Variants in STAU2 observed in about 807,000 individuals in gnomAD.
The protein encoded by STAU2 is double-stranded RNA-binding protein Staufen homolog 2.
Under a neutral mutation model 65.9 loss-of-function variants are expected in STAU2, and 20 were observed. The ratio of observed to expected loss-of-function variants is 0.30; its 90% CI spans 0.21 to 0.44. The LOEUF (loss-of-function observed/expected upper bound fraction) is 0.44, where lower values mean the gene tolerates loss of function less well. Ranked by LOEUF, STAU2 falls within the 20% of genes least tolerant of loss-of-function variation. The probability of loss-of-function intolerance (pLI) is 1.00; values close to 1 mark genes in which losing one functional copy is unlikely to be tolerated. For missense variants in STAU2, 558 were observed against 683.9 expected, an observed-to-expected ratio of 0.82 and a Z score of 2.05; for synonymous variants, 232 against 233.9, an observed-to-expected ratio of 0.99 and a Z score of 0.07.
intron 13 of STAU2, among the ~76,000 whole-genome samples, chr8:73,427,772 G>A (rs767506554): frequency 6.6e-6 from 1 of 152,204 alleles, no homozygotes; most frequent in African/African-American, 2.4e-5. Context: ...CCATTTTCAC[G>A]GAGTGGGCTC....
chr8:73,475,773 T>C (rs1204521600), intron 13 of STAU2, among the ~76,000 whole-genome samples: 2 of 152,202 alleles, frequency 1.3e-5, no homozygotes, highest in African/African-American at 2.4e-5. Context: ...GGTTAAATGA[T>C]ATGCGTATGG....
chr8:73,493,755 A>T (rs1408738041), intron 13 of STAU2, among the ~76,000 whole-genome samples: 1 of 151,752 alleles, frequency 6.6e-6, no homozygotes, highest in Non-Finnish European at 1.5e-5. Context: ...TTGATGCAAG[A>T]GAAAAAAACA....
At chr8:73,581,622 G>A (rs1374147783) in intron 12 of STAU2, among the ~76,000 whole-genome samples, 1 of 152,046 alleles carries the variant, frequency 6.6e-6, no homozygotes, top group Non-Finnish European at 1.5e-5. Context: ...ACAAACTCTA[G>A]GAATCCTGAA....
intron 13 of STAU2, among the ~76,000 whole-genome samples, chr8:73,429,622 G>GTCCT (rs1225956861): frequency 6.6e-6 from 1 of 150,568 alleles, no homozygotes; most frequent in African/African-American, 2.4e-5. Flanking sequence ...ATTTCTAGTA[G>GTCCT]GGACAAAGTC....
intron 12 of STAU2, among the ~76,000 whole-genome samples, chr8:73,562,348 T>C (rs2128949962): frequency 6.6e-6 from 1 of 152,300 alleles, no homozygotes; most frequent in African/African-American, 2.4e-5. Context: ...TAGCTGGGCA[T>C]GGTGGCATGC....
intron 10 of STAU2, among the ~76,000 whole-genome samples, chr8:73,599,173 G>A (rs2129663598): frequency 6.6e-6 from 1 of 152,268 alleles, no homozygotes; most frequent in South Asian, 2.1e-4. Flanking sequence ...GAAGTGCTAA[G>A]AACAGCCAAA....
intron 13 of STAU2, among the ~76,000 whole-genome samples, chr8:73,491,313 T>C (rs1821142989): frequency 6.6e-6 from 1 of 151,998 alleles, no homozygotes; most frequent in Non-Finnish European, 1.5e-5. Context: ...AAACAGACCT[T>C]GTTTAGCAGG....
intron 4 of STAU2, among the ~76,000 whole-genome samples, chr8:73,699,957 A>G (rs7812308): frequency 6.6e-6 from 1 of 151,896 alleles, no homozygotes; most frequent in Non-Finnish European, 1.5e-5. Flanking sequence ...CCAACAATAC[A>G]TTTAAAAGAT....
chr8:73,423,534 T>G (rs763088104), intron 13 of STAU2, among the ~76,000 whole-genome samples: 3 of 152,164 alleles, frequency 2.0e-5, no homozygotes, highest in Non-Finnish European at 2.9e-5. Context: ...GAGATGGGCA[T>G]GAGCAGGCAG....
At chr8:73,439,634 C>T (rs1169407478) in intron 13 of STAU2, among the ~76,000 whole-genome samples, 2 of 152,168 alleles carry the variant, frequency 1.3e-5, no homozygotes, top group Non-Finnish European at 1.5e-5. Flanking sequence ...CAACTCTTAC[C>T]GGTCATATGA....
chr8:73,713,433 C>G (rs1487789276), intron 3 of STAU2, among the ~76,000 whole-genome samples: 1 of 152,000 alleles, frequency 6.6e-6, no homozygotes, highest in African/African-American at 2.4e-5. Flanking sequence ...GAAACAGACA[C>G]AGACAATAGA....
rs145254973 is a variant in STAU2 at position 73,431,439 on chromosome 8, G to A, written c.1531-8737C>T. Among the ~76,000 whole-genome samples, 165 of 152,342 alleles carry A rather than the reference G, an allele frequency of 1.1e-3. 1 individual carries two copies. Among genetic ancestry groups the A allele is most frequent in the African/African-American group, 3.7e-3 (153 of 41,576 alleles). ...GGAGAAAAATTAAAGAAGCATTTTAGAGAAGTGGATGACATTTCCTTTCCT... is the reference window on the plus strand; with the variant it reads ...GGAGAAAAATTAAAGAAGCATTTTAAAGAAGTGGATGACATTTCCTTTCCT... On this transcript the variant is annotated intron_variant, in intron 13 of 14. Transcript: ENST00000524300.
At chr8:73,582,915 CA>C (rs1810098673) in intron 11 of STAU2, 85 bp from the exon 12 acceptor site, 1 of 1,245,246 alleles carries the variant, frequency 8.0e-7, no homozygotes, top group Non-Finnish European at 1.2e-6. Context: ...TAAGCAAAGG[CA>C]AAGTCCTCTC....
chr8:73,458,389 C>G (rs1819179722), intron 13 of STAU2, among the ~76,000 whole-genome samples: 1 of 152,174 alleles, frequency 6.6e-6, no homozygotes, highest in Admixed American at 6.5e-5. Flanking sequence ...CACCTTTTTA[C>G]TTTATCAGTT....
At chr8:73,744,234 A>C (rs1475230840) in intron 1 of STAU2, among the ~76,000 whole-genome samples, 1 of 152,174 alleles carries the variant, frequency 6.6e-6, no homozygotes, top group Non-Finnish European at 1.5e-5. Context: ...ATGCACACAT[A>C]AATAAAAATG....
chr8:73,539,267 A>C (rs1806369080), intron 13 of STAU2, among the ~76,000 whole-genome samples: 4 of 152,222 alleles, frequency 2.6e-5, no homozygotes, highest in Admixed American at 2.6e-4. Flanking sequence ...ATTTATACTC[A>C]AAAGAAAAGG....
rs535919850 is a variant in STAU2, at chr8:73,741,724, G to A, written c.-196-1856C>T. 2.0e-5 allele frequency among the ~76,000 whole-genome samples: 3 copies of A among 152,234 alleles called. No homozygotes were observed. In the East Asian group the frequency reaches 5.8e-4, roughly 29 times the overall value. Reference sequence around the variant, plus strand: ...GACGGGGTTTCACCATGTTGGCCAGGCTGGTCTCGAACTCCTGGCCTCGGG... The same window carrying A: ...GACGGGGTTTCACCATGTTGGCCAGACTGGTCTCGAACTCCTGGCCTCGGG... On this transcript the variant is annotated intron_variant, in intron 1 of 14. Transcript: ENST00000524300.
chr8:73,627,088 C>CTCT (rs1477778793), intron 6 of STAU2, among the ~76,000 whole-genome samples: 3 of 151,534 alleles, frequency 2.0e-5, no homozygotes, highest in Admixed American at 2.0e-4. Context: ...ATCTGGGGGC[C>CTCT]TCTTCTTCCA....
Position 73,489,082 on chromosome 8 carries a change from AT to A in STAU2, c.1530+62929del, listed in dbSNP as rs544693144. On this transcript the variant is annotated intron_variant, in intron 13 of 14. Transcript: ENST00000524300. ...GTTAGCAGTACTTTCAGCAGAAGGA[AT>A]TTTTTTTTCAAATTTATTAATTTTT... Among the ~76,000 whole-genome samples the A allele has an allele frequency of 2.3e-3, 344 of 151,374 alleles. 1 individual carries two copies. The highest frequency in any genetic ancestry group is 6.7e-3 in the African/African-American group (278 of 41,326).
Sources: gnomAD v4.1 joint callset for allele counts (sites outside exome capture counted in the v4.1 genomes callset) on GRCh38, gnomAD v4.1.1 for gene constraint, MANE v1.5 for transcripts, NCBI Gene and HGNC (gene_info 2026-07-23, HGNC 2026-07-21) for gene names.